Variants in AXIN1 observed in about 807,000 individuals in gnomAD.
AXIN1 encodes axin 1.
In AXIN1, 30 loss-of-function variants were observed where a neutral mutation model predicts 76.4. The observed-to-expected ratio is 0.39, with a 90% CI of 0.29 to 0.53. The LOEUF (loss-of-function observed/expected upper bound fraction) is 0.53, where lower values mean the gene tolerates loss of function less well. AXIN1 is among the 20% of genes least tolerant of loss of function. AXIN1 has a pLI of 0.66. For synonymous variants in AXIN1, 545 were observed against 501.4 expected, an observed-to-expected ratio of 1.09 and a Z score of -1.16; for missense variants, 1,140 against 1,198.8, an observed-to-expected ratio of 0.95 and a Z score of 0.72.
At position 351,622 on chromosome 16, in the gene AXIN1, T is replaced by A. The variant is rs1224288652; in HGVS notation, c.-82+747A>T. ...GAGACTCCGTCTCAAAAAAAAAAAATTATCTTAGAGGACGGTGGTCACCCC... is the reference window on the plus strand; with the variant it reads ...GAGACTCCGTCTCAAAAAAAAAAAAATATCTTAGAGGACGGTGGTCACCCC... On this transcript the variant is annotated intron_variant, in intron 1 of 10. Coordinates refer to ENST00000262320, the MANE Select transcript of AXIN1 (RefSeq NM_003502.4). Among the ~76,000 whole-genome samples, 22 of 127,858 alleles carry A rather than the reference T, an allele frequency of 1.7e-4. No individual in the cohort carries two copies. The East Asian group carries it at 3.8e-3, about 22-fold the overall frequency. 83.9% of individuals were successfully genotyped at this position (127,858 alleles called of 152,430 possible).
chr16:294,726 G>T (rs997077277), intron 7 of AXIN1, among the ~76,000 whole-genome samples: 1 of 122,766 alleles, frequency 8.1e-6, no homozygotes, highest in African/African-American at 3.2e-5. Context: ...TTGCACTCCA[G>T]CCTGAGCCAC....
At position 287,524 on chromosome 16, in the gene AXIN1, A is replaced by G. The variant is rs1002735731; in HGVS notation, c.*598T>C. 2 of 313,132 alleles carry G rather than the reference A, an allele frequency of 6.4e-6. No homozygotes were observed. Among genetic ancestry groups the G allele is most frequent in the Non-Finnish European group, 1.2e-5 (2 of 169,516 alleles). The allele number at this position is 313,132 out of a possible 1,614,324, so 19.4% of individuals were successfully genotyped here. ...TTGTACAAGTGTCATCGCATGAAAAACAGACTCGGGCAGCCCCTGCTGGCC... is the reference window on the plus strand; with the variant it reads ...TTGTACAAGTGTCATCGCATGAAAAGCAGACTCGGGCAGCCCCTGCTGGCC... On this transcript the variant is annotated 3_prime_UTR_variant, in exon 11 of 11. Coordinates refer to ENST00000262320, the MANE Select transcript of AXIN1 (RefSeq NM_003502.4).
At chr16:314,462 TG>T in intron 3 of AXIN1, 80 bp downstream of exon 3, 1 of 1,594,018 alleles carries the variant, frequency 6.3e-7, no homozygotes, top group South Asian at 1.1e-5. Flanking sequence ...TACACATTGC[TG>T]TCCTCAAGGG....
In AXIN1 at chr16:293,056, C is replaced by T. The variant is rs540383457; in HGVS notation, c.2186+432G>A. On this transcript the variant is annotated intron_variant, in intron 8 of 10. Transcript: ENST00000262320. The surrounding 1 kb of genome is among the most constrained non-coding windows in gnomAD (Gnocchi z 4.6). ...TTTCAGAACCACGTAGCTTTCCGACCGTGCAGAGCCACTCAGGGCTCCTGG... is the reference window on the plus strand; with the variant it reads ...TTTCAGAACCACGTAGCTTTCCGACTGTGCAGAGCCACTCAGGGCTCCTGG... 2.9e-5 allele frequency: 6 copies of T among 209,290 alleles called. No homozygotes were observed. The East Asian group carries it at 3.3e-4, about 11-fold the overall frequency. The allele number at this position is 209,290 out of a possible 1,614,324, so 13.0% of individuals were successfully genotyped here.
Position 297,186 on chromosome 16 carries a change from C to G in AXIN1, c.1825G>C (p.Ala609Pro). ...GTGCTGGCGCTCTTCCCCGACTCAG[C>G]CTTCTTGGCATTTCTTTTGCACGCC... Reference protein sequence around the residue: ...GVACKRNAKKAESGKSASTEV... With the variant: ...GVACKRNAKKPESGKSASTEV... The change falls in exon 7 of 11, where the codon GCT (alanine) becomes CCT (proline). Residue 609 changes from alanine to proline, a missense_variant. By Grantham distance (27) the Ala-to-Pro change is conservative (BLOSUM62 -1). Around this residue, in one of 3 missense-constraint regions of AXIN1, gnomAD observed 429 missense variants for 405.8 expected, o/e 1.06. Coordinates refer to ENST00000262320, the MANE Select transcript of AXIN1 (RefSeq NM_003502.4). 6.2e-7 allele frequency: 1 copy of G among 1,610,226 alleles called. No individual in the cohort carries two copies. The highest frequency in any genetic ancestry group is 8.5e-7 in the Non-Finnish European group (1 of 1,179,960).
intron 4 of AXIN1, among the ~76,000 whole-genome samples, chr16:308,488 C>T (rs767593200): frequency 6.6e-6 from 1 of 152,238 alleles, no homozygotes; most frequent in Non-Finnish European, 1.5e-5. Flanking sequence ...AGAAGCCTCC[C>T]GCGGGCCTCA....
In AXIN1 at chr16:352,587, C is replaced by G. The variant is rs1233669733; in HGVS notation, c.-300G>C. On this transcript the variant is annotated 5_prime_UTR_variant, in exon 1 of 11. Transcript: ENST00000262320. ...CCAGCCGCCAGCTCCCACCCGCCCGCTCCGCGTGGACGCGGCTCCGGGCCG... is the reference window on the plus strand; with the variant it reads ...CCAGCCGCCAGCTCCCACCCGCCCGGTCCGCGTGGACGCGGCTCCGGGCCG... 1 of 189,198 alleles carries G rather than the reference C, an allele frequency of 5.3e-6. No homozygotes were observed. The highest frequency in any genetic ancestry group is 9.6e-6 in the Non-Finnish European group (1 of 104,208). The allele number at this position is 189,198 out of a possible 1,614,324, so 11.7% of individuals were successfully genotyped here. A position where few individuals can be genotyped will look rare whatever the true frequency, so the allele number is the denominator to read the frequency against.
chr16:337,508 AAAAAAAAAAGCACTGGAGCAACCTC>A (rs913305724), intron 2 of AXIN1, among the ~76,000 whole-genome samples: 5 of 151,348 alleles, frequency 3.3e-5, no homozygotes, highest in Admixed American at 6.6e-5. Context: ...AAAAAAAAAA[AAAAAAAAAAGCACTGGAGCAACCTC>A]AAAGGAGGCA....
At chr16:291,413 C>A in intron 8 of AXIN1, 116 bp from the exon 9 acceptor site, 1 of 851,954 alleles carries the variant, frequency 1.2e-6, no homozygotes, top group Admixed American at 2.0e-5. Flanking sequence ...CCGAACAACC[C>A]ACCCTGCGCA....
Position 337,515 on chromosome 16 carries a change from AAAG to A in AXIN1, c.878+8630_878+8632del, listed in dbSNP as rs1344177596. ...TCAAAACCAAAAAAAAAAAAAAAAA[AAAG>A]CACTGGAGCAACCTCAAAGGAGGCA... On this transcript the variant is annotated intron_variant, in intron 2 of 10. Transcript: ENST00000262320. 7.4e-4 allele frequency among the ~76,000 whole-genome samples: 112 copies of A among 151,598 alleles called. 1 individual carries two copies. The highest frequency in any genetic ancestry group is 1.3e-3 in the Non-Finnish European group (89 of 67,806).
chr16:348,079 G>A (rs904946246), intron 1 of AXIN1, among the ~76,000 whole-genome samples: 11 of 152,144 alleles, frequency 7.2e-5, no homozygotes, highest in Non-Finnish European at 4.4e-5. Flanking sequence ...TGCTACTACT[G>A]CTGCTGCTGC....
At chr16:315,337 T>C (rs1394506082) in intron 2 of AXIN1, among the ~76,000 whole-genome samples, 1 of 152,270 alleles carries the variant, frequency 6.6e-6, no homozygotes, top group Admixed American at 6.5e-5. Flanking sequence ...TTTAAACTTC[T>C]TCCTCTTTAT....
chr16:349,058 G>A (rs536056635), intron 1 of AXIN1, among the ~76,000 whole-genome samples: 24 of 150,672 alleles, frequency 1.6e-4, no homozygotes, highest in East Asian at 7.8e-4. Flanking sequence ...ACACCGCGCC[G>A]GCCACTGCAC....
intron 2 of AXIN1, among the ~76,000 whole-genome samples, chr16:341,369 C>A (rs910456408): frequency 2.6e-5 from 4 of 152,240 alleles, no homozygotes; most frequent in Non-Finnish European, 4.4e-5. Context: ...AGCCGGCCAG[C>A]CCTGCCGGCC....
intron 2 of AXIN1, among the ~76,000 whole-genome samples, chr16:332,675 A>G (rs2053719228): frequency 6.6e-6 from 1 of 151,602 alleles, no homozygotes; most frequent in Admixed American, 6.6e-5. Context: ...AAAAAAAAAA[A>G]AAAAAGTATA....
intron 4 of AXIN1, among the ~76,000 whole-genome samples, chr16:308,135 C>T (rs933720751): frequency 6.6e-6 from 1 of 152,230 alleles, no homozygotes; most frequent in Admixed American, 6.5e-5. Flanking sequence ...CGCAGCAGGG[C>T]CTGCTCCTGT....
chr16:325,470 G>T (rs951740774), intron 2 of AXIN1, among the ~76,000 whole-genome samples: 1 of 152,332 alleles, frequency 6.6e-6, no homozygotes, highest in African/African-American at 2.4e-5. Flanking sequence ...CACTGGAGTT[G>T]GGGCAGCGCT....
At chr16:323,896 G>A (rs1345778931) in intron 2 of AXIN1, among the ~76,000 whole-genome samples, 1 of 152,154 alleles carries the variant, frequency 6.6e-6, no homozygotes, top group Non-Finnish European at 1.5e-5. Context: ...TGGGTGCAAA[G>A]GGAAAAGGTG....
chr16:316,266 T>C (rs2053300093), intron 2 of AXIN1, among the ~76,000 whole-genome samples: 1 of 152,012 alleles, frequency 6.6e-6, no homozygotes, highest in South Asian at 2.1e-4. Flanking sequence ...AAAAATAAAA[T>C]AATAAAAAAT....
Sources: allele counts gnomAD v4.1 joint callset (sites outside exome capture counted in the v4.1 genomes callset), GRCh38; gene constraint gnomAD v4.1.1; regional missense constraint gnomAD v4.1.1; non-coding constraint Gnocchi (gnomAD v3.1); transcripts MANE v1.5; gene names NCBI Gene and HGNC (gene_info 2026-07-23, HGNC 2026-07-21).